Variants in ANGPT1 observed in about 807,000 individuals in gnomAD.
ANGPT1 encodes the protein angiopoietin 1, also known as angiopoietin-1.
In ANGPT1, 17 loss-of-function variants were observed where a neutral mutation model predicts 62.2. That is an observed-to-expected ratio of 0.27 (90% CI 0.19 to 0.41). The LOEUF is 0.41. Among genes scored for constraint, ANGPT1 ranks in the 10% least tolerant of loss-of-function variants. The probability of loss-of-function intolerance (pLI) is 1.00; values close to 1 mark genes in which losing one functional copy is unlikely to be tolerated. For missense variants in ANGPT1, 478 were observed against 594.9 expected, an observed-to-expected ratio of 0.80 and a Z score of 2.04; for synonymous variants, 199 against 198.9, an observed-to-expected ratio of 1.00 and a Z score of 0.00.
intron 6 of ANGPT1, among the ~76,000 whole-genome samples, chr8:107,288,067 T>C (rs2130152482): frequency 6.6e-6 from 1 of 152,260 alleles, no homozygotes; most frequent in East Asian, 1.9e-4. Flanking sequence ...GGAAAAAGAA[T>C]AATCTTGGGT....
chr8:107,434,392 A>G (rs1434699658), intron 1 of ANGPT1, among the ~76,000 whole-genome samples: 5 of 152,136 alleles, frequency 3.3e-5, no homozygotes, highest in Non-Finnish European at 7.4e-5. Flanking sequence ...AAGGTTTTTA[A>G]GTGGGGGATT....
At chr8:107,345,516 G>A (rs1201971998) in intron 2 of ANGPT1, among the ~76,000 whole-genome samples, 1 of 152,028 alleles carries the variant, frequency 6.6e-6, no homozygotes. Context: ...ACAAGACTCT[G>A]CCATGTGTTC....
At chr8:107,353,115 G>C (rs1489072851) in intron 1 of ANGPT1, among the ~76,000 whole-genome samples, 2 of 152,052 alleles carry the variant, frequency 1.3e-5, no homozygotes, top group African/African-American at 4.8e-5. Context: ...AATGGTTTCT[G>C]TGTGGATATA....
chr8:107,267,469 T>C (rs993034358), intron 7 of ANGPT1, among the ~76,000 whole-genome samples: 10 of 152,160 alleles, frequency 6.6e-5, no homozygotes, highest in Admixed American at 6.6e-4. Context: ...ATCAATGCTA[T>C]GTTAGGCTAT....
chr8:107,312,738 T>C (rs988600473), intron 4 of ANGPT1, among the ~76,000 whole-genome samples: 2 of 152,134 alleles, frequency 1.3e-5, no homozygotes, highest in Non-Finnish European at 1.5e-5. Context: ...TCATAAAGTA[T>C]GTAGGTTTGT....
intron 7 of ANGPT1, among the ~76,000 whole-genome samples, chr8:107,269,866 G>A (rs1002405484): frequency 4.6e-5 from 7 of 151,952 alleles, no homozygotes; most frequent in Non-Finnish European, 1.0e-4. Context: ...AAGAATGTCA[G>A]CATTTTTATT....
intron 4 of ANGPT1, among the ~76,000 whole-genome samples, chr8:107,316,750 C>T (rs535670121): frequency 2.0e-5 from 3 of 152,182 alleles, no homozygotes; most frequent in Non-Finnish European, 2.9e-5. Flanking sequence ...GGCTACAGCC[C>T]GCTCCCATGA....
chr8:107,354,529 G>A (rs957881781), intron 1 of ANGPT1, among the ~76,000 whole-genome samples: 1 of 152,112 alleles, frequency 6.6e-6, no homozygotes, highest in Non-Finnish European at 1.5e-5. Flanking sequence ...AAGTACAAGA[G>A]TCTATAAGGT....
chr8:107,266,272 CA>C (rs1813611998), intron 7 of ANGPT1, among the ~76,000 whole-genome samples: 1 of 152,158 alleles, frequency 6.6e-6, no homozygotes, highest in African/African-American at 2.4e-5. Flanking sequence ...CGCCACCTTC[CA>C]GAGCTGGTGA....
At chr8:107,322,219 T>G (rs1815171335) in intron 3 of ANGPT1, 91 bp from the exon 4 acceptor site, 1 of 916,012 alleles carries the variant, frequency 1.1e-6, no homozygotes, top group African/African-American at 1.7e-5. Flanking sequence ...TTATTTAAGA[T>G]GAGAAATTTT....
chr8:107,416,929 C>T (rs546246944), intron 1 of ANGPT1, among the ~76,000 whole-genome samples: 2 of 151,740 alleles, frequency 1.3e-5, no homozygotes, highest in Admixed American at 1.3e-4. Context: ...GTAGCTAGGA[C>T]TATAGGTATG....
At chr8:107,441,953 G>A (rs776859257) in intron 1 of ANGPT1, among the ~76,000 whole-genome samples, 11 of 152,006 alleles carry the variant, frequency 7.2e-5, no homozygotes, top group Non-Finnish European at 1.2e-4. Flanking sequence ...GGGTAGTGGC[G>A]CGCATCTGTA....
chr8:107,463,007 A>G (rs942288138), intron 1 of ANGPT1, among the ~76,000 whole-genome samples: 1 of 152,130 alleles, frequency 6.6e-6, no homozygotes, highest in African/African-American at 2.4e-5. Context: ...CATACTGTGT[A>G]ATCCCCTCCC....
At chr8:107,378,169 A>G (rs1449638453) in intron 1 of ANGPT1, among the ~76,000 whole-genome samples, 2 of 152,212 alleles carry the variant, frequency 1.3e-5, no homozygotes, top group African/African-American at 4.8e-5. Context: ...GTTTAGACAC[A>G]CTTGAATTTT....
chr8:107,458,901 C>T (rs1266202100), intron 1 of ANGPT1, among the ~76,000 whole-genome samples: 1 of 152,004 alleles, frequency 6.6e-6, no homozygotes, highest in East Asian at 1.9e-4. Flanking sequence ...ACTAGGGCCC[C>T]AAAAGTTTAA....
intron 1 of ANGPT1, among the ~76,000 whole-genome samples, chr8:107,419,950 G>A (rs1433190): frequency 1.3e-5 from 2 of 152,058 alleles, no homozygotes; most frequent in South Asian, 2.1e-4. Context: ...TTTAATCTCC[G>A]CAAACATCTC....
chr8:107,299,530 T>A (rs1165609757), intron 5 of ANGPT1, among the ~76,000 whole-genome samples: 1 of 140,354 alleles, frequency 7.1e-6, no homozygotes, highest in Non-Finnish European at 1.5e-5. Context: ...ACACTAAGCA[T>A]ATATATAGAT....
rs552303377 is a variant in ANGPT1, at chr8:107,283,759, A to G, written c.1205+923T>C. 2.0e-5 allele frequency among the ~76,000 whole-genome samples: 3 copies of G among 152,200 alleles called. No individual in the cohort carries two copies. In the East Asian group the frequency reaches 5.8e-4, roughly 29 times the overall value. On this transcript the variant is annotated intron_variant, in intron 7 of 8. Transcript: ENST00000517746. ...ATCATTACAACTCTAATTTACTAAG[A>G]ATGAAACTGAGGCACACACAATTAA...
intron 4 of ANGPT1, among the ~76,000 whole-genome samples, chr8:107,308,266 A>G (rs1248135467): frequency 6.6e-6 from 1 of 152,176 alleles, no homozygotes; most frequent in Non-Finnish European, 1.5e-5. Context: ...ACTCAATTCA[A>G]GGTGGCTTAA....
Sources: gnomAD v4.1 joint callset for allele counts (sites outside exome capture counted in the v4.1 genomes callset) on GRCh38, gnomAD v4.1.1 for gene constraint, MANE v1.5 for transcripts, NCBI Gene and HGNC (gene_info 2026-07-23, HGNC 2026-07-21) for gene names.